Variants in BMP7 observed in about 807,000 individuals in gnomAD.
The protein encoded by BMP7 is osteogenic protein 1.
A neutral mutation model predicts 41.2 loss-of-function variants in BMP7; 12 were observed. The observed-to-expected ratio is 0.29, with a 90% CI of 0.19 to 0.47. The LOEUF is 0.47. BMP7 is among the 20% of genes least tolerant of loss of function. The probability of loss-of-function intolerance (pLI) is 0.99; values close to 1 mark genes in which losing one functional copy is unlikely to be tolerated. For missense variants in BMP7, 467 were observed against 606.0 expected, an observed-to-expected ratio of 0.77 and a Z score of 2.41; for synonymous variants, 248 against 250.0, an observed-to-expected ratio of 0.99 and a Z score of 0.07.
intron 1 of BMP7, among the ~76,000 whole-genome samples, chr20:57,242,099 C>T (rs1369488315): frequency 1.3e-5 from 2 of 152,180 alleles, no homozygotes; most frequent in Non-Finnish European, 2.9e-5. Context: ...CCATCCTCAG[C>T]TCATTGAAAT....
chr20:57,241,765 A>C (rs2066070718), intron 1 of BMP7, among the ~76,000 whole-genome samples: 1 of 152,216 alleles, frequency 6.6e-6, no homozygotes, highest in South Asian at 2.1e-4. Context: ...TAGGGGCCAG[A>C]GGGAATGATT....
In BMP7 at chr20:57,185,958, A is replaced by C. The variant is rs563556603; in HGVS notation, c.761-2039T>G. 2.0e-5 allele frequency among the ~76,000 whole-genome samples: 3 copies of C among 151,972 alleles called. No individual in the cohort carries two copies. In the East Asian group the frequency reaches 5.8e-4, roughly 29 times the overall value. On this transcript the variant is annotated intron_variant, in intron 3 of 6. Coordinates refer to ENST00000395863, the MANE Select transcript of BMP7 (RefSeq NM_001719.3). Reference sequence around the variant, plus strand: ...TCAGGGCAGAGCTTTGCATACCCTAAGTGCTCAATAAATGCTAGCTCAGGG... The same window carrying C: ...TCAGGGCAGAGCTTTGCATACCCTACGTGCTCAATAAATGCTAGCTCAGGG...
At chr20:57,187,760 C>G (rs1234249472) in intron 3 of BMP7, among the ~76,000 whole-genome samples, 1 of 152,164 alleles carries the variant, frequency 6.6e-6, no homozygotes, top group East Asian at 1.9e-4. Flanking sequence ...ATTCTCACCC[C>G]AGCCACTAAG....
intron 1 of BMP7, among the ~76,000 whole-genome samples, chr20:57,243,682 G>A (rs888360428): frequency 1.3e-5 from 2 of 152,048 alleles, no homozygotes; most frequent in African/African-American, 2.4e-5. Context: ...ATTGTTAGAC[G>A]TGCCAAGTTC....
chr20:57,265,052 G>GAA (rs1237259534), intron 1 of BMP7, among the ~76,000 whole-genome samples: 2 of 137,076 alleles, frequency 1.5e-5, no homozygotes, highest in Non-Finnish European at 3.1e-5. Flanking sequence ...AAAAAGAAAA[G>GAA]AAAAGAAAAA....
At chr20:57,245,148 T>C (rs2066084750) in intron 1 of BMP7, among the ~76,000 whole-genome samples, 1 of 152,186 alleles carries the variant, frequency 6.6e-6, no homozygotes. Flanking sequence ...CCCCAGGGGC[T>C]GATGGGGCAG....
At chr20:57,201,485 C>G (rs1367315476) in intron 3 of BMP7, among the ~76,000 whole-genome samples, 2 of 152,116 alleles carry the variant, frequency 1.3e-5, no homozygotes, top group Non-Finnish European at 2.9e-5. Flanking sequence ...CATGTAATTG[C>G]TGAAATACCC....
intron 2 of BMP7, among the ~76,000 whole-genome samples, chr20:57,211,737 G>T (rs1202555586): frequency 1.3e-5 from 2 of 152,122 alleles, no homozygotes; most frequent in African/African-American, 2.4e-5. Flanking sequence ...GACTGCGGCT[G>T]GGAACCTTGA....
chr20:57,177,504 T>C (rs1040814416), intron 4 of BMP7, among the ~76,000 whole-genome samples: 4 of 152,128 alleles, frequency 2.6e-5, no homozygotes, highest in Non-Finnish European at 5.9e-5. Context: ...CTCATCACCA[T>C]GCCCAGCTAA....
chr20:57,245,244 C>T (rs192025903), intron 1 of BMP7, among the ~76,000 whole-genome samples: 125 of 152,250 alleles, frequency 8.2e-4, no homozygotes, highest in African/African-American at 2.9e-3. Context: ...CTAAGCTAAA[C>T]GATCAAAACA....
At chr20:57,175,097 T>C in intron 4 of BMP7, 90 bp from the exon 5 acceptor site, 1 of 1,311,536 alleles carries the variant, frequency 7.6e-7, no homozygotes, top group Non-Finnish European at 1.1e-6. Context: ...GGCAGTGATG[T>C]GAACAGCAAT....
intron 3 of BMP7, among the ~76,000 whole-genome samples, chr20:57,192,014 TATATATA>T (rs1009829280): frequency 2.4e-5 from 3 of 125,484 alleles, no homozygotes; most frequent in African/African-American, 9.7e-5. Context: ...TAATATATAT[TATATATA>T]ATATATAATA....
At chr20:57,202,901 G>A (rs937188468) in intron 2 of BMP7, among the ~76,000 whole-genome samples, 5 of 152,158 alleles carry the variant, frequency 3.3e-5, no homozygotes, top group African/African-American at 7.2e-5. Flanking sequence ...GCATCCCAGC[G>A]GGACAGAGTA....
At chr20:57,186,552 C>T (rs975661837) in intron 3 of BMP7, among the ~76,000 whole-genome samples, 2 of 152,182 alleles carry the variant, frequency 1.3e-5, no homozygotes, top group Non-Finnish European at 2.9e-5. Flanking sequence ...CTGAATAACC[C>T]GCCCAGGGAT....
chr20:57,223,801 C>A lies in BMP7; in HGVS notation c.611+4428G>T, dbSNP rs1055108133. ...GTGACCATGGCTCTCTGCCCAAACA[C>A]GCTCATGGGGGCTAACGGCAGGGCA... On this transcript the variant is annotated intron_variant, in intron 2 of 6. Transcript: ENST00000395863. Among the ~76,000 whole-genome samples the A allele has an allele frequency of 7.2e-5, 11 of 152,302 alleles. 1 individual carries two copies. Among genetic ancestry groups the A allele is most frequent in the African/African-American group, 2.2e-4 (9 of 41,564 alleles).
chr20:57,188,567 A>C (rs1006488631), intron 3 of BMP7, among the ~76,000 whole-genome samples: 1 of 151,186 alleles, frequency 6.6e-6, no homozygotes, highest in Non-Finnish European at 1.5e-5. Context: ...AAAAAAAATC[A>C]CCAAATTGCA....
chr20:57,245,605 C>G (rs977050034), intron 1 of BMP7, among the ~76,000 whole-genome samples: 2 of 147,572 alleles, frequency 1.4e-5, no homozygotes, highest in African/African-American at 5.0e-5. Flanking sequence ...TTGGGGTCTT[C>G]TTTCCAAATC....
Position 57,228,172 on chromosome 20 carries a change from T to C in BMP7, c.611+57A>G. The C allele has an allele frequency of 1.3e-6, 2 of 1,586,490 alleles. No individual in the cohort carries two copies. The highest frequency in any genetic ancestry group is 1.7e-6 in the Non-Finnish European group (2 of 1,157,004). ...CCATCCTCTGGCCCTCACCACCTTC[T>C]TCCTCTGCCCCCAGAGGAAACTCAG... On this transcript the variant is annotated intron_variant, in intron 2 of 6. Coordinates refer to ENST00000395863, the MANE Select transcript of BMP7 (RefSeq NM_001719.3). This position sits in a 1 kb window ranked among gnomAD's most constrained non-coding sequence, Gnocchi z 4.5.
Position 57,228,685 on chromosome 20 carries a change from C to T in BMP7, c.419-264G>A, listed in dbSNP as rs2066017592. Among the ~76,000 whole-genome samples, 1 of 152,190 alleles carries T rather than the reference C, an allele frequency of 6.6e-6. No individual in the cohort carries two copies. The highest frequency in any genetic ancestry group is 1.5e-5 in the Non-Finnish European group (1 of 68,038). On this transcript the variant is annotated intron_variant, in intron 1 of 6. Coordinates refer to ENST00000395863, the MANE Select transcript of BMP7 (RefSeq NM_001719.3). The surrounding 1 kb of genome is among the most constrained non-coding windows in gnomAD (Gnocchi z 4.5). Reference sequence around the variant, plus strand: ...GCTGGGAAAAGTAGGGCACTAACCACAGCCATCCAAGAGGTCCTGGCCAGA... The same window carrying T: ...GCTGGGAAAAGTAGGGCACTAACCATAGCCATCCAAGAGGTCCTGGCCAGA...
Sources: allele counts gnomAD v4.1 joint callset (sites outside exome capture counted in the v4.1 genomes callset), GRCh38; gene constraint gnomAD v4.1.1; non-coding constraint Gnocchi (gnomAD v3.1); transcripts MANE v1.5; gene names NCBI Gene and HGNC (gene_info 2026-07-23, HGNC 2026-07-21).